Variants in SMYD3 observed in about 807,000 individuals in gnomAD.
SMYD3 encodes the protein histone-lysine N-methyltransferase SMYD3.
SMYD3 carries 36 observed loss-of-function variants against 57.7 expected under a neutral mutation model. That is an observed-to-expected ratio of 0.62 (90% CI 0.48 to 0.82). The LOEUF is 0.82. SMYD3 is among the 40% of genes least tolerant of loss of function. The pLI, the probability that SMYD3 is intolerant of heterozygous loss-of-function variation, is 0.00. For missense variants in SMYD3, 515 were observed against 538.8 expected, an observed-to-expected ratio of 0.96 and a Z score of 0.44; for synonymous variants, 211 against 195.0, an observed-to-expected ratio of 1.08 and a Z score of -0.68.
intron 5 of SMYD3, among the ~76,000 whole-genome samples, chr1:246,007,516 A>G (rs1037332282): frequency 6.6e-6 from 1 of 152,066 alleles, no homozygotes; most frequent in African/African-American, 2.4e-5. Context: ...GACTAAAGAA[A>G]AGGCAGAAGG....
intron 5 of SMYD3, among the ~76,000 whole-genome samples, chr1:246,018,051 C>A (rs922105011): frequency 1.1e-4 from 16 of 152,088 alleles, no homozygotes; most frequent in African/African-American, 3.9e-4. Context: ...CTTTAAGTAG[C>A]GAACAGTATT....
intron 10 of SMYD3, among the ~76,000 whole-genome samples, chr1:245,849,297 G>A (rs902525399): frequency 6.6e-6 from 1 of 152,204 alleles, no homozygotes. Context: ...TGTTAAAAGA[G>A]GGGATTGGAT....
intron 1 of SMYD3, 85 bp downstream of exon 1, chr1:246,506,969 G>A: frequency 8.0e-7 from 1 of 1,249,870 alleles, no homozygotes; most frequent in Non-Finnish European, 1.1e-6. Context: ...CAGGAGTCCC[G>A]CGGCTGCCGG....
intron 1 of SMYD3, among the ~76,000 whole-genome samples, chr1:246,385,900 C>A (rs1421766226): frequency 7.9e-5 from 12 of 151,880 alleles, no homozygotes; most frequent in Non-Finnish European, 1.5e-4. Flanking sequence ...AGAACACATA[C>A]ACCTTTTTTT....
chr1:246,410,382 T>A (rs539156514), intron 1 of SMYD3, among the ~76,000 whole-genome samples: 23 of 151,260 alleles, frequency 1.5e-4, no homozygotes, highest in African/African-American at 5.6e-4. Context: ...TAGCATGAAG[T>A]GTTGCTGAAT....
intron 10 of SMYD3, among the ~76,000 whole-genome samples, chr1:245,794,170 A>G (rs910270454): frequency 1.3e-5 from 2 of 152,126 alleles, no homozygotes; most frequent in African/African-American, 4.8e-5. Context: ...AGTAAATTCT[A>G]TTTTCTGACA....
intron 8 of SMYD3, among the ~76,000 whole-genome samples, chr1:245,876,321 T>G (rs1020839586): frequency 6.6e-6 from 1 of 152,180 alleles, no homozygotes; most frequent in African/African-American, 2.4e-5. Context: ...CCGGGTTCCA[T>G]CGAGGCAAAT....
intron 2 of SMYD3, among the ~76,000 whole-genome samples, chr1:246,342,410 T>C (rs2148682750): frequency 6.6e-6 from 1 of 152,288 alleles, no homozygotes; most frequent in Non-Finnish European, 1.5e-5. Flanking sequence ...AGCAAATAAA[T>C]AATGCCTCCT....
chr1:245,922,386 G>A (rs2056037220), intron 7 of SMYD3, among the ~76,000 whole-genome samples: 1 of 152,136 alleles, frequency 6.6e-6, no homozygotes, highest in African/African-American at 2.4e-5. Context: ...ATTTAAGAAT[G>A]GAAAATAATC....
intron 8 of SMYD3, among the ~76,000 whole-genome samples, chr1:245,876,842 A>G (rs1208719179): frequency 6.6e-6 from 1 of 152,168 alleles, no homozygotes; most frequent in East Asian, 1.9e-4. Flanking sequence ...CCCTGGGGCT[A>G]TGGGAGCATA....
intron 10 of SMYD3, 141 bp from the exon 11 acceptor site, chr1:245,764,290 G>A (rs2045978783): frequency 3.2e-6 from 2 of 634,348 alleles, no homozygotes; most frequent in Non-Finnish European, 5.7e-6. Context: ...TTGCAATCCA[G>A]GAGAATGCAG....
chr1:246,015,727 T>C (rs2059365344), intron 5 of SMYD3, among the ~76,000 whole-genome samples: 1 of 152,224 alleles, frequency 6.6e-6, no homozygotes, highest in Non-Finnish European at 1.5e-5. Context: ...TCACTTAGCA[T>C]GTCTTCAAGG....
intron 5 of SMYD3, among the ~76,000 whole-genome samples, chr1:246,138,123 T>G (rs566052139): frequency 2.6e-5 from 4 of 152,318 alleles, no homozygotes; most frequent in African/African-American, 9.6e-5. Flanking sequence ...CTTACTCATT[T>G]TCCTCATTCT....
At chr1:245,836,258 C>G (rs144960671) in intron 10 of SMYD3, among the ~76,000 whole-genome samples, 76 of 152,334 alleles carry the variant, frequency 5.0e-4, no homozygotes, top group Admixed American at 7.8e-4. Flanking sequence ...CAGTCCAAGA[C>G]AGCCTGGTTT....
At chr1:246,407,362 A>G (rs1426299470) in intron 1 of SMYD3, among the ~76,000 whole-genome samples, 1 of 152,196 alleles carries the variant, frequency 6.6e-6, no homozygotes, top group Admixed American at 6.5e-5. Flanking sequence ...TGAGACTATA[A>G]GGTCATGCTA....
intron 1 of SMYD3, among the ~76,000 whole-genome samples, chr1:246,398,457 G>T (rs972476263): frequency 6.6e-6 from 1 of 152,202 alleles, no homozygotes; most frequent in Non-Finnish European, 1.5e-5. Context: ...TCATAGATGA[G>T]AATCTATAAT....
At chr1:245,838,413 G>C (rs1323211638) in intron 10 of SMYD3, among the ~76,000 whole-genome samples, 1 of 152,202 alleles carries the variant, frequency 6.6e-6, no homozygotes, top group East Asian at 1.9e-4. Flanking sequence ...GAGGGCTAAT[G>C]GTGGGAGAAA....
chr1:246,498,039 C>T (rs1646876163), intron 1 of SMYD3, among the ~76,000 whole-genome samples: 1 of 152,128 alleles, frequency 6.6e-6, no homozygotes, highest in Non-Finnish European at 1.5e-5. Context: ...CACTTCTCAC[C>T]CATAAGCTTA....
intron 7 of SMYD3, among the ~76,000 whole-genome samples, chr1:245,926,952 G>A (rs78660093): frequency 0.016 from 2,484 of 152,302 alleles, 63 homozygotes; most frequent in African/African-American, 0.056. Flanking sequence ...GAAATTTAGC[G>A]AGTAGTTGTA....
Sources: gnomAD v4.1 joint callset for allele counts (sites outside exome capture counted in the v4.1 genomes callset) on GRCh38, gnomAD v4.1.1 for gene constraint, MANE v1.5 for transcripts, NCBI Gene and HGNC (gene_info 2026-07-23, HGNC 2026-07-21) for gene names.